The following DOCK8 variants were observed in gnomAD, a reference collection of about 807,000 sequenced individuals.
The protein encoded by DOCK8 is dedicator of cytokinesis protein 8.
A neutral mutation model predicts 245.6 loss-of-function variants in DOCK8; 141 were observed. The ratio of observed to expected loss-of-function variants is 0.57; its 90% CI spans 0.50 to 0.66. DOCK8 has a LOEUF of 0.66. Ranked by LOEUF, DOCK8 falls within the 30% of genes least tolerant of loss-of-function variation. DOCK8 has a pLI of 0.00. For missense variants in DOCK8, 2,965 were observed against 2,603.4 expected, an observed-to-expected ratio of 1.14 and a Z score of -3.02; for synonymous variants, 1,168 against 970.2, an observed-to-expected ratio of 1.20 and a Z score of -3.79.
chr9:310,862 C>A (rs151271506), intron 5 of DOCK8, among the ~76,000 whole-genome samples: 245 of 152,252 alleles, frequency 1.6e-3, no homozygotes, highest in African/African-American at 5.7e-3. Context: ...GGGCCTGTGA[C>A]ATTCACACCT....
chr9:301,393 T>A (rs1206875249), intron 4 of DOCK8, among the ~76,000 whole-genome samples: 1 of 152,262 alleles, frequency 6.6e-6, no homozygotes, highest in Non-Finnish European at 1.5e-5. Flanking sequence ...AACATCATAC[T>A]GAGTGGGCAA....
At chr9:374,267 T>C (rs368822173) in intron 18 of DOCK8, among the ~76,000 whole-genome samples, 1 of 152,118 alleles carries the variant, frequency 6.6e-6, no homozygotes, top group African/African-American at 2.4e-5. Flanking sequence ...ATGTGGCTAT[T>C]GAGGAAAATA....
intron 47 of DOCK8, 97 bp from the exon 48 acceptor site, chr9:464,062 G>C: frequency 1.9e-6 from 2 of 1,036,358 alleles, no homozygotes; most frequent in South Asian, 1.3e-5. Flanking sequence ...ATTTCTACTG[G>C]GTGATCCACC....
chr9:320,080 C>G (rs1358286663), intron 7 of DOCK8, among the ~76,000 whole-genome samples: 1 of 152,228 alleles, frequency 6.6e-6, no homozygotes, highest in Admixed American at 6.5e-5. Flanking sequence ...ATTCTGGGGA[C>G]TACACTTAAA....
At chr9:280,614 C>G (rs2048537495) in intron 2 of DOCK8, among the ~76,000 whole-genome samples, 1 of 152,174 alleles carries the variant, frequency 6.6e-6, no homozygotes, top group Admixed American at 6.5e-5. Context: ...TTCCCACTGG[C>G]TAAGTCAGGC....
chr9:426,584 A>C (rs2056510108), intron 33 of DOCK8, among the ~76,000 whole-genome samples: 1 of 152,208 alleles, frequency 6.6e-6, no homozygotes, highest in Admixed American at 6.5e-5. Context: ...AGGGGAGCTT[A>C]ATTGCTAGTA....
At chr9:284,601 C>T (rs531917734) in intron 2 of DOCK8, 21 of 152,150 alleles carry the variant, frequency 1.4e-4, no homozygotes, top group African/African-American at 5.1e-4. Context: ...GGTATATAGC[C>T]AGAGGAATAT....
chr9:233,313 C>A (rs1386334949), intron 1 of DOCK8, among the ~76,000 whole-genome samples: 4 of 152,020 alleles, frequency 2.6e-5, no homozygotes, highest in Admixed American at 6.6e-5. Flanking sequence ...TGCTTTACTG[C>A]CAACTATGTG....
At chr9:231,206 A>G (rs893475489) in intron 1 of DOCK8, among the ~76,000 whole-genome samples, 3 of 152,196 alleles carry the variant, frequency 2.0e-5, no homozygotes, top group African/African-American at 7.2e-5. Flanking sequence ...AGGATCAGAT[A>G]GTTGTAGATA....
intron 18 of DOCK8, among the ~76,000 whole-genome samples, chr9:374,462 T>TG (rs1170792726): frequency 2.1e-5 from 3 of 141,734 alleles, no homozygotes; most frequent in Non-Finnish European, 4.6e-5. Context: ...TGTTTTTTTT[T>TG]TTTTTTTTTT....
At chr9:393,776 C>T (rs1483294857) in intron 24 of DOCK8, among the ~76,000 whole-genome samples, 1 of 152,172 alleles carries the variant, frequency 6.6e-6, no homozygotes, top group Non-Finnish European at 1.5e-5. Context: ...CTACCAGCAG[C>T]CTAAAACCTA....
intron 10 of DOCK8, among the ~76,000 whole-genome samples, chr9:332,773 T>G (rs900800957): frequency 1.3e-5 from 2 of 149,806 alleles, no homozygotes; most frequent in Non-Finnish European, 3.0e-5. Context: ...TCCTCCCCCT[T>G]CAGCCTCTTG....
chr9:215,458 T>C (rs2046728086), intron 1 of DOCK8: 5 of 1,486,304 alleles, frequency 3.4e-6, no homozygotes, highest in Non-Finnish European at 4.5e-6. Flanking sequence ...TGGCTGAAAT[T>C]AGAGTTGCGT....
intron 5 of DOCK8, among the ~76,000 whole-genome samples, chr9:311,698 T>C (rs1324596918): frequency 6.6e-6 from 1 of 152,172 alleles, no homozygotes; most frequent in African/African-American, 2.4e-5. Context: ...TTTAGTCCTT[T>C]CCTCAGGACT....
At chr9:298,690 A>G (rs1261296833) in intron 4 of DOCK8, among the ~76,000 whole-genome samples, 1 of 151,802 alleles carries the variant, frequency 6.6e-6, no homozygotes, top group Non-Finnish European at 1.5e-5. Flanking sequence ...TTGTAAGTAA[A>G]CACTCTTGGA....
chr9:337,545 C>T (rs534279901), intron 12 of DOCK8, among the ~76,000 whole-genome samples: 3 of 152,268 alleles, frequency 2.0e-5, no homozygotes, highest in South Asian at 4.1e-4. Context: ...GTGCAAGTTT[C>T]CACTTTCACT....
At chr9:371,258 A>G (rs2053272568) in intron 16 of DOCK8, among the ~76,000 whole-genome samples, 170 bp from the exon 17 acceptor site, 1 of 152,114 alleles carries the variant, frequency 6.6e-6, no homozygotes, top group Non-Finnish European at 1.5e-5. Context: ...AAGTGCATCT[A>G]ATAACATAAG....
intron 1 of DOCK8, among the ~76,000 whole-genome samples, chr9:262,104 A>G (rs1316577064): frequency 6.6e-6 from 1 of 152,178 alleles, no homozygotes; most frequent in Non-Finnish European, 1.5e-5. Context: ...GTTAAATATA[A>G]ATAAATAAAG....
intron 1 of DOCK8, 67 bp downstream of exon 1, chr9:215,096 C>G (rs753457976): frequency 1.3e-6 from 2 of 1,516,924 alleles, no homozygotes; most frequent in Non-Finnish European, 1.8e-6. Flanking sequence ...AGCGGAGCTT[C>G]GCTGCAGGGG....
Sources: allele counts gnomAD v4.1 joint callset (sites outside exome capture counted in the v4.1 genomes callset), GRCh38; gene constraint gnomAD v4.1.1; transcripts MANE v1.5; gene names NCBI Gene and HGNC (gene_info 2026-07-23, HGNC 2026-07-21).